The following FANCA variants were observed in gnomAD, a reference collection of about 807,000 sequenced individuals.
FANCA encodes Fanconi anemia group A protein.
FANCA carries 236 observed loss-of-function variants against 194.3 expected under a neutral mutation model. The ratio of observed to expected loss-of-function variants is 1.21; its 90% CI spans 1.09 to 1.35. The LOEUF (loss-of-function observed/expected upper bound fraction) is 1.35. Among genes scored for constraint, FANCA ranks in the 40% most tolerant of loss-of-function variants. The pLI is 0.00. For missense variants in FANCA, 2,628 were observed against 1,813.9 expected (o/e 1.45, Z -8.15); for synonymous variants, 1,014 against 715.8 (o/e 1.42, Z -6.65).
rs150924963 is a variant in FANCA, at chr16:89,805,328, T to A, written c.661A>T (p.Met221Leu). Reference protein sequence around the residue: ...FRNLCCLCEQMEASCQHADVA... With the variant: ...FRNLCCLCEQLEASCQHADVA... ...TCAGCATGCTGGCAGGATGCTTCCA[T>A]CTGTTCACAAAGGCAGCACAGATTC... Residue 221 changes from methionine to leucine, a missense_variant, in exon 7 of 43, where the codon ATG becomes TTG. Met to Leu is a conservative substitution (Grantham distance 15). Transcript: ENST00000389301. 1 of 1,614,038 alleles carries A rather than the reference T, an allele frequency of 6.2e-7. No individual in the cohort carries two copies. The highest frequency in any genetic ancestry group is 8.5e-7 in the Non-Finnish European group (1 of 1,179,990).
chr16:89,744,524 A>T (rs1015279341), intron 36 of FANCA, among the ~76,000 whole-genome samples: 2 of 152,090 alleles, frequency 1.3e-5, no homozygotes, highest in African/African-American at 4.8e-5. Flanking sequence ...CACTGACCCT[A>T]CCAGCACGCG....
chr16:89,807,638 G>A lies in FANCA; in HGVS notation c.596+656C>T, dbSNP rs140125255. Among the ~76,000 whole-genome samples, 38 of 151,922 alleles carry A rather than the reference G, an allele frequency of 2.5e-4. No individual in the cohort carries two copies. The Middle Eastern group carries it at 0.014, about 55-fold the overall frequency. On this transcript the variant is annotated intron_variant, in intron 6 of 42. Transcript: ENST00000389301. ...AGTGGTTCATGCCTGTAATCCCAGC[G>A]CTTTGGGAGGCAGAGGCGGGCAGAT...
At chr16:89,758,964 TC>T (rs1004340126) in intron 29 of FANCA, among the ~76,000 whole-genome samples, 6 of 152,002 alleles carry the variant, frequency 3.9e-5, no homozygotes, top group Non-Finnish European at 5.9e-5. Flanking sequence ...CAGGATGACA[TC>T]CCACGGGGTA....
Position 89,770,154 on chromosome 16 carries a change from G to A in FANCA, c.2316+12C>T, listed in dbSNP as rs768355887. On this transcript the variant is annotated intron_variant, in intron 25 of 42. Coordinates refer to ENST00000389301, the MANE Select transcript of FANCA (RefSeq NM_000135.4). ...GGCCCCCAAGGGTGGCCCCCATGAAGGAGAGCCTCACCTGGTGACGGAGCA... is the reference window on the plus strand; with the variant it reads ...GGCCCCCAAGGGTGGCCCCCATGAAAGAGAGCCTCACCTGGTGACGGAGCA... 3 of 1,581,668 alleles carry A rather than the reference G, an allele frequency of 1.9e-6. No homozygotes were observed. Among genetic ancestry groups the A allele is most frequent in the African/African-American group, 1.3e-5 (1 of 74,704 alleles).
Position 89,737,602 on chromosome 16 carries a change from G to A in FANCA, c.*999C>T, listed in dbSNP as rs1240320316. 7 of 938,480 alleles carry A rather than the reference G, an allele frequency of 7.5e-6. No individual in the cohort carries two copies. In the East Asian group the frequency reaches 1.1e-4, roughly 15 times the overall value. The allele number at this position is 938,480 out of a possible 1,614,324, so 58.1% of individuals were successfully genotyped here. On this transcript the variant is annotated 3_prime_UTR_variant, in exon 43 of 43. Coordinates refer to ENST00000389301, the MANE Select transcript of FANCA (RefSeq NM_000135.4). ...TAAAAACCATCCTGAAATGCACACA[G>A]CTGATGAAGCCACGTGACAGTGTAT...
chr16:89,744,787 G>C (rs1303880093), intron 36 of FANCA, 172 bp downstream of exon 36: 6 of 681,116 alleles, frequency 8.8e-6, no homozygotes, highest in African/African-American at 5.3e-5. Flanking sequence ...CTCCCCAGTA[G>C]TTGGGATTAC....
intron 6 of FANCA, among the ~76,000 whole-genome samples, chr16:89,806,905 C>T (rs1330290611): frequency 6.6e-6 from 1 of 152,158 alleles, no homozygotes; most frequent in Non-Finnish European, 1.5e-5. Flanking sequence ...AGAGGGGCTC[C>T]TCACTTCCCA....
intron 14 of FANCA, among the ~76,000 whole-genome samples, chr16:89,789,255 A>G (rs1194493379): frequency 1.3e-5 from 2 of 151,118 alleles, no homozygotes; most frequent in East Asian, 2.0e-4. Context: ...TTCTCCCAAC[A>G]CAAGCAGATG....
In FANCA at chr16:89,773,397, G is replaced by C. The variant is rs2039391778; in HGVS notation, c.1901-13C>G. 3 of 1,533,552 alleles carry C rather than the reference G, an allele frequency of 2.0e-6. No individual in the cohort carries two copies. Among genetic ancestry groups the C allele is most frequent in the South Asian group, 2.4e-5 (2 of 83,708 alleles). 95.0% of individuals were successfully genotyped at this position (1,533,552 alleles called of 1,614,324 possible). ...CCCAGGGCTGCATCTGTGAGAAGAA[G>C]GAAGAAACCAGATGGAAAGACACTC... On this transcript the variant is annotated splice_polypyrimidine_tract_variant and intron_variant, in intron 21 of 42. Coordinates refer to ENST00000389301, the MANE Select transcript of FANCA (RefSeq NM_000135.4).
At chr16:89,790,812 T>C (rs1239377537) in intron 14 of FANCA, among the ~76,000 whole-genome samples, 2 of 151,984 alleles carry the variant, frequency 1.3e-5, no homozygotes, top group African/African-American at 4.8e-5. Flanking sequence ...GTGTCCCCTC[T>C]TTCCTGATTT....
intron 31 of FANCA, among the ~76,000 whole-genome samples, chr16:89,751,212 G>A (rs958843786): frequency 6.6e-6 from 1 of 151,990 alleles, no homozygotes; most frequent in East Asian, 1.9e-4. Context: ...TTTTAAAGAA[G>A]AATAAAGATC....
chr16:89,793,213 C>T (rs1362887011), intron 11 of FANCA, among the ~76,000 whole-genome samples: 2 of 152,098 alleles, frequency 1.3e-5, no homozygotes, highest in Non-Finnish European at 2.9e-5. Flanking sequence ...TGTTCCTTGA[C>T]ACCTTTTGCT....
Position 89,805,383 on chromosome 16 carries a change from G to A in FANCA, c.606C>T (p.Asp202=), listed in dbSNP as rs1431969235. The A allele has an allele frequency of 5.0e-6, 8 of 1,613,162 alleles. No individual in the cohort carries two copies. The highest frequency in any genetic ancestry group is 6.8e-6 in the Non-Finnish European group (8 of 1,179,320). ...AGAGCCACGATCCCACAGCATGCAT[G>A]TCGGGATGGCTGGAGACACACACAG... The part of the protein sequence containing the change: ...SLQELLESHP[D]MHAVGSWLFR... Residue 202 remains aspartate, a synonymous_variant, in exon 7 of 43, where the codon GAC becomes GAT. Transcript: ENST00000389301.
At position 89,737,936 on chromosome 16, in the gene FANCA, C is replaced by G; in HGVS notation, c.*665G>C. 6.2e-7 allele frequency: 1 copy of G among 1,613,922 alleles called. No homozygotes were observed. On this transcript the variant is annotated 3_prime_UTR_variant, in exon 43 of 43. Transcript: ENST00000389301. ...TGTGAGTCAGGACCCCCTCCCAGGG[C>G]TGTGGCCCTCGCACCTTCTTATCTG...
intron 17 of FANCA, among the ~76,000 whole-genome samples, chr16:89,780,623 CA>C (rs11356898): frequency 0.54 from 75,576 of 139,932 alleles, 19,853 homozygotes; most frequent in South Asian, 0.77. Context: ...GTCCCTGCAT[CA>C]AAAAAAAAAA....
chr16:89,790,512 T>C (rs535809882), intron 14 of FANCA, among the ~76,000 whole-genome samples: 52 of 120,736 alleles, frequency 4.3e-4, no homozygotes, highest in African/African-American at 1.8e-3. Context: ...GGGCGGATCA[T>C]GAGGTCAGGA....
chr16:89,753,735 C>A (rs2038675395), intron 30 of FANCA, among the ~76,000 whole-genome samples: 3 of 152,110 alleles, frequency 2.0e-5, no homozygotes, highest in African/African-American at 7.2e-5. Flanking sequence ...TCTCTACACT[C>A]AGAACAGTGT....
chr16:89,765,076 A>T lies in FANCA; in HGVS notation c.2602-10T>A. Reference sequence around the variant, plus strand: ...ACATGAGGAACTGAAACTGAAACAGAGAGTGACCCGGCCGTTTCTTCATTG... The same window carrying T: ...ACATGAGGAACTGAAACTGAAACAGTGAGTGACCCGGCCGTTTCTTCATTG... On this transcript the variant is annotated splice_polypyrimidine_tract_variant and intron_variant, in intron 27 of 42. Transcript: ENST00000389301. 6.2e-7 allele frequency: 1 copy of T among 1,613,808 alleles called. No individual in the cohort carries two copies. Among genetic ancestry groups the T allele is most frequent in the Non-Finnish European group, 8.5e-7 (1 of 1,179,766 alleles).
Position 89,752,220 on chromosome 16 carries a change from G to T in FANCA, c.2984C>A (p.Ser995Ter), listed in dbSNP as rs746997654. Residue 995 changes from serine (S) to a stop codon, truncating the protein, a stop_gained and splice_region_variant, in exon 31 of 43, where the codon TCA becomes TAA. Transcript: ENST00000389301. LOFTEE classifies it high-confidence loss of function. Reference protein sequence around the residue: ...VNALMDFHQSSRSYDHSENSD... With the variant: ...VNALMDFHQS ...ATTTTCTGAGTGGTCATAACTCCTT[G>T]AGCTGAAATGAAAATACAATAAAAT... The T allele has an allele frequency of 6.2e-7, 1 of 1,612,884 alleles. No individual in the cohort carries two copies.
Sources: allele counts gnomAD v4.1 joint callset (sites outside exome capture counted in the v4.1 genomes callset), GRCh38; gene constraint gnomAD v4.1.1; transcripts MANE v1.5; gene names NCBI Gene and HGNC (gene_info 2026-07-23, HGNC 2026-07-21).